The following GPR176 variants were observed in gnomAD, a reference collection of about 807,000 sequenced individuals.
GPR176 encodes the protein G-protein coupled receptor 176.
In GPR176, 26 loss-of-function variants were observed where a neutral mutation model predicts 35.4. That is an observed-to-expected ratio of 0.74 (90% confidence interval 0.54 to 1.02). The LOEUF is 1.02. GPR176 is among the 50% of genes least tolerant of loss of function. The pLI, the probability that GPR176 is intolerant of heterozygous loss-of-function variation, is 0.00. For missense variants in GPR176, 597 were observed against 665.3 expected (o/e 0.90, Z 1.13); for synonymous variants, 278 against 271.3 (o/e 1.02, Z -0.24).
chr15:39,845,328 G>A (rs2140798574), intron 1 of GPR176, among the ~76,000 whole-genome samples: 1 of 152,106 alleles, frequency 6.6e-6, no homozygotes, highest in Non-Finnish European at 1.5e-5. Flanking sequence ...GCAACTAAGT[G>A]TTCCATTTAA....
At chr15:39,870,427 T>G (rs1014555871) in intron 1 of GPR176, among the ~76,000 whole-genome samples, 12 of 152,182 alleles carry the variant, frequency 7.9e-5, no homozygotes, top group African/African-American at 2.7e-4. Context: ...GGGAATGACA[T>G]CATTTAAAGG....
At chr15:39,869,401 A>C (rs568260307) in intron 1 of GPR176, among the ~76,000 whole-genome samples, 1 of 152,302 alleles carries the variant, frequency 6.6e-6, no homozygotes, top group East Asian at 1.9e-4. Flanking sequence ...TGCTCATGAC[A>C]TCGCTACCGA....
intron 1 of GPR176, among the ~76,000 whole-genome samples, chr15:39,811,915 CAAA>C (rs1423143703): frequency 5.3e-5 from 4 of 75,602 alleles, no homozygotes; most frequent in Admixed American, 1.5e-4. Context: ...GACTCCGTCT[CAAA>C]AAAAAAAAAA....
intron 1 of GPR176, among the ~76,000 whole-genome samples, chr15:39,890,006 T>A: frequency 6.6e-6 from 1 of 152,172 alleles, no homozygotes; most frequent in Non-Finnish European, 1.5e-5. Flanking sequence ...GAGGTCACAC[T>A]GGGAGTTTGA....
chr15:39,837,218 C>T (rs1901456876), intron 1 of GPR176, among the ~76,000 whole-genome samples: 1 of 152,078 alleles, frequency 6.6e-6, no homozygotes, highest in East Asian at 1.9e-4. Context: ...AATAAAAATC[C>T]TCCAATGCCT....
intron 1 of GPR176, chr15:39,829,365 C>G: frequency 7.7e-7 from 1 of 1,297,840 alleles, no homozygotes; most frequent in South Asian, 1.7e-5. Flanking sequence ...GCGCAGGACA[C>G]AAGGAGCTCA....
At chr15:39,917,908 G>A (rs2033768763) in intron 1 of GPR176, among the ~76,000 whole-genome samples, 1 of 151,976 alleles carries the variant, frequency 6.6e-6, no homozygotes. Context: ...AGCCAGGCGT[G>A]GTGGTGGGTG....
At chr15:39,840,853 T>C (rs1185260825) in intron 1 of GPR176, among the ~76,000 whole-genome samples, 3 of 152,194 alleles carry the variant, frequency 2.0e-5, no homozygotes, top group African/African-American at 7.2e-5. Context: ...GTATTTTACA[T>C]GTATCCTATC....
At position 39,833,841 on chromosome 15, in the gene GPR176, C is replaced by T. The variant is rs575272835; in HGVS notation, c.173-26583G>A. On this transcript the variant is annotated intron_variant, in intron 1 of 2. Transcript: ENST00000561100. ...TAAGTCAAAGAATAAAGACAGCTGG[C>T]GCAGAAATGAGTCTGGCACCTCAGA... Among the ~76,000 whole-genome samples, 27 of 152,196 alleles carry T rather than the reference C, an allele frequency of 1.8e-4. No individual in the cohort carries two copies. In the South Asian group the frequency reaches 4.4e-3, roughly 25 times the overall value.
intron 1 of GPR176, among the ~76,000 whole-genome samples, chr15:39,906,016 C>T (rs2033412151): frequency 6.6e-6 from 1 of 152,152 alleles, no homozygotes; most frequent in Non-Finnish European, 1.5e-5. Flanking sequence ...TTTATTATTC[C>T]TTATAACTGT....
chr15:39,864,060 G>A (rs558455875), intron 1 of GPR176, among the ~76,000 whole-genome samples: 2 of 152,016 alleles, frequency 1.3e-5, no homozygotes, highest in African/African-American at 4.8e-5. Context: ...AAATAAACAG[G>A]TATACAAAAC....
chr15:39,806,917 G>A, intron 2 of GPR176, 89 bp downstream of exon 2: 4 of 1,181,056 alleles, frequency 3.4e-6, no homozygotes, highest in Admixed American at 4.4e-5. Flanking sequence ...GCAGTATACG[G>A]AACATTGACT....
At position 39,802,193 on chromosome 15, in the gene GPR176, C is replaced by T. The variant is rs1345886640; in HGVS notation, c.487G>A (p.Val163Met). The T allele has an allele frequency of 3.1e-6, 5 of 1,614,000 alleles. No homozygotes were observed. The South Asian group carries it at 5.5e-5, about 18-fold the overall frequency. ...KISDAKSREL[V>M]MYIWAHAVVA... ...ACTGCATGGGCCCAGATGTACATCA[C>T]CAGTTCACGGGACTTGGCATCAGAT... Residue 163 changes from valine to methionine, a missense_variant, in exon 3 of 3, where the codon GTG becomes ATG. Physicochemically the swap from Val to Met is conservative, Grantham distance 21 (BLOSUM62 1). This residue lies in a region of GPR176 where 220 missense variants were observed against 297.6 expected (regional missense o/e 0.74). Coordinates refer to ENST00000561100, the MANE Select transcript of GPR176 (RefSeq NM_007223.3).
At chr15:39,866,114 T>C (rs981762289) in intron 1 of GPR176, among the ~76,000 whole-genome samples, 3 of 152,152 alleles carry the variant, frequency 2.0e-5, no homozygotes, top group Non-Finnish European at 4.4e-5. Flanking sequence ...ATATATGGTA[T>C]GCTATTTTTT....
intron 1 of GPR176, among the ~76,000 whole-genome samples, chr15:39,899,957 C>T (rs377177711): frequency 6.6e-6 from 1 of 151,800 alleles, no homozygotes; most frequent in East Asian, 1.9e-4. Context: ...TCTTCCTGAC[C>T]GTTAAACTCT....
chr15:39,920,037 G>C lies in GPR176; in HGVS notation c.-11C>G. 1 of 1,311,744 alleles carries C rather than the reference G, an allele frequency of 7.6e-7. No homozygotes were observed. Among genetic ancestry groups the C allele is most frequent in the Non-Finnish European group, 9.8e-7 (1 of 1,023,896 alleles). 81.3% of individuals were successfully genotyped at this position (1,311,744 alleles called of 1,614,324 possible). ...CCCGTTATGTCCCATGGCGAGGCTGGGACTCCGGCTCCGCGCGCCGCCCGC... is the reference window on the plus strand; with the variant it reads ...CCCGTTATGTCCCATGGCGAGGCTGCGACTCCGGCTCCGCGCGCCGCCCGC... On this transcript the variant is annotated 5_prime_UTR_variant, in exon 1 of 3. Transcript: ENST00000561100.
At chr15:39,894,877 G>A (rs1595514244) in intron 1 of GPR176, among the ~76,000 whole-genome samples, 2 of 152,346 alleles carry the variant, frequency 1.3e-5, no homozygotes, top group African/African-American at 4.8e-5. Context: ...GGCCAAGGCA[G>A]GCGGCTGGGA....
chr15:39,920,061 G>T lies in GPR176; in HGVS notation c.-35C>A, dbSNP rs1247562429. 2 of 1,272,182 alleles carry T rather than the reference G, an allele frequency of 1.6e-6. No individual in the cohort carries two copies. Among genetic ancestry groups the T allele is most frequent in the Non-Finnish European group, 2.0e-6 (2 of 1,000,270 alleles). 78.8% of individuals were successfully genotyped at this position (1,272,182 alleles called of 1,614,324 possible). On this transcript the variant is annotated 5_prime_UTR_variant, in exon 1 of 3. Transcript: ENST00000561100. ...GGGACTCCGGCTCCGCGCGCCGCCCGCCTCGGAGCCCCGCGCGGAGCCTCT... is the reference window on the plus strand; with the variant it reads ...GGGACTCCGGCTCCGCGCGCCGCCCTCCTCGGAGCCCCGCGCGGAGCCTCT...
intron 1 of GPR176, among the ~76,000 whole-genome samples, chr15:39,887,557 C>A (rs1245498301): frequency 6.7e-6 from 1 of 149,364 alleles, no homozygotes; most frequent in Non-Finnish European, 1.5e-5. Flanking sequence ...ATCATGCAAA[C>A]CTGACCAGGA....
Sources: gnomAD v4.1 joint callset for allele counts (sites outside exome capture counted in the v4.1 genomes callset) on GRCh38, gnomAD v4.1.1 for gene constraint, gnomAD v4.1.1 regional missense constraint, MANE v1.5 for transcripts, NCBI Gene and HGNC (gene_info 2026-07-23, HGNC 2026-07-21) for gene names.